KIAA0825: variants seen among roughly 807,000 people sequenced by gnomAD.
KIAA0825 encodes uncharacterized protein KIAA0825.
Under a neutral mutation model 147.6 loss-of-function variants are expected in KIAA0825, and 119 were observed. That is an observed-to-expected ratio of 0.81 (90% CI 0.69 to 0.94). The LOEUF (loss-of-function observed/expected upper bound fraction) is 0.94, where lower values mean the gene tolerates loss of function less well. Ranked by LOEUF, KIAA0825 falls within the 40% of genes least tolerant of loss-of-function variation. The pLI, the probability that KIAA0825 is intolerant of heterozygous loss-of-function variation, is 0.00. For missense variants in KIAA0825, 1,381 were observed against 1,472.7 expected, an observed-to-expected ratio of 0.94 and a Z score of 1.02; for synonymous variants, 470 against 518.1, an observed-to-expected ratio of 0.91 and a Z score of 1.26.
chr5:94,578,741 C>T (rs915205258), intron 2 of KIAA0825, among the ~76,000 whole-genome samples: 3 of 152,146 alleles, frequency 2.0e-5, no homozygotes, highest in African/African-American at 4.8e-5. Flanking sequence ...GGTTTACAGG[C>T]TGTGCTTCTC....
At chr5:94,343,680 C>T (rs1301663897) in intron 20 of KIAA0825, among the ~76,000 whole-genome samples, 1 of 152,136 alleles carries the variant, frequency 6.6e-6, no homozygotes, top group Non-Finnish European at 1.5e-5. Flanking sequence ...CAGAGCAAGA[C>T]TGCATCTCCA....
intron 20 of KIAA0825, among the ~76,000 whole-genome samples, chr5:94,298,204 C>T (rs950069606): frequency 5.9e-5 from 9 of 151,790 alleles, no homozygotes; most frequent in East Asian, 3.9e-4. Context: ...GCCGAGATTG[C>T]GCCACTGCAC....
intron 2 of KIAA0825, among the ~76,000 whole-genome samples, chr5:94,554,715 ACTATATATATATATATATATATATATAT>A (rs1384135082): frequency 6.6e-5 from 5 of 75,362 alleles, no homozygotes; most frequent in Non-Finnish European, 1.0e-4. Context: ...TGTTCTGTGT[ACTATATATATATATATATATATATATAT>A]ATATATATAT....
chr5:94,200,972 T>C (rs1253534769), intron 20 of KIAA0825, among the ~76,000 whole-genome samples: 4 of 144,814 alleles, frequency 2.8e-5, no homozygotes, highest in Admixed American at 2.8e-4. Flanking sequence ...TATATATATA[T>C]ATATATATAT....
chr5:94,373,178 GT>G (rs1206211050), intron 20 of KIAA0825, among the ~76,000 whole-genome samples: 4 of 152,192 alleles, frequency 2.6e-5, no homozygotes, highest in Non-Finnish European at 5.9e-5. Flanking sequence ...TCTCTAGGAA[GT>G]TCCAAACTCT....
intron 14 of KIAA0825, among the ~76,000 whole-genome samples, chr5:94,423,495 CTG>C (rs1377315546): frequency 1.3e-5 from 2 of 152,180 alleles, no homozygotes; most frequent in Non-Finnish European, 2.9e-5. Context: ...CACCAGGAGA[CTG>C]TATTTATTGG....
chr5:94,346,867 C>A (rs1405128310), intron 20 of KIAA0825, among the ~76,000 whole-genome samples: 1 of 152,102 alleles, frequency 6.6e-6, no homozygotes, highest in Non-Finnish European at 1.5e-5. Flanking sequence ...AGGTGGGGGA[C>A]GAACCAAGCC....
intron 18 of KIAA0825, among the ~76,000 whole-genome samples, chr5:94,391,109 T>G (rs1203857255): frequency 1.3e-5 from 2 of 152,236 alleles, no homozygotes; most frequent in Non-Finnish European, 2.9e-5. Context: ...AATACTCTTC[T>G]TTAAGTTTTT....
At chr5:94,359,262 T>TA (rs1264173375) in intron 20 of KIAA0825, among the ~76,000 whole-genome samples, 3 of 152,220 alleles carry the variant, frequency 2.0e-5, no homozygotes, top group Non-Finnish European at 4.4e-5. Flanking sequence ...CTGGGCATTT[T>TA]AAAAAATCTC....
chr5:94,559,471 A>G (rs1777165258), intron 2 of KIAA0825, among the ~76,000 whole-genome samples: 1 of 152,318 alleles, frequency 6.6e-6, no homozygotes, highest in East Asian at 1.9e-4. Context: ...GGAAATGAAA[A>G]CAAACTAACT....
chr5:94,359,140 A>G (rs1010766000), intron 20 of KIAA0825, among the ~76,000 whole-genome samples: 20 of 152,234 alleles, frequency 1.3e-4, no homozygotes, highest in African/African-American at 4.8e-4. Flanking sequence ...AAATTGTGAT[A>G]TAAATGATTT....
At chr5:94,472,722 C>A (rs1584602306) in intron 8 of KIAA0825, among the ~76,000 whole-genome samples, 1 of 151,850 alleles carries the variant, frequency 6.6e-6, no homozygotes, top group Non-Finnish European at 1.5e-5. Flanking sequence ...CCAGCCTGGG[C>A]GACAGAGTGA....
At chr5:94,212,798 T>G (rs1461135202) in intron 20 of KIAA0825, among the ~76,000 whole-genome samples, 2 of 152,136 alleles carry the variant, frequency 1.3e-5, no homozygotes, top group Admixed American at 6.6e-5. Flanking sequence ...CAAATCTGCT[T>G]TCTACCCTGA....
At chr5:94,358,695 G>T (rs144967779) in intron 20 of KIAA0825, among the ~76,000 whole-genome samples, 226 of 152,210 alleles carry the variant, frequency 1.5e-3, no homozygotes, top group African/African-American at 5.3e-3. Flanking sequence ...TCCATTTTCT[G>T]ATCCATGAAA....
At chr5:94,397,471 A>G (rs1750817287) in intron 16 of KIAA0825, among the ~76,000 whole-genome samples, 1 of 152,230 alleles carries the variant, frequency 6.6e-6, no homozygotes, top group Non-Finnish European at 1.5e-5. Flanking sequence ...TAGTTTTTAC[A>G]AACTTATAAA....
chr5:94,376,005 C>G (rs1417519453), intron 20 of KIAA0825, among the ~76,000 whole-genome samples: 1 of 152,102 alleles, frequency 6.6e-6, no homozygotes, highest in Non-Finnish European at 1.5e-5. Context: ...AACATGGCCT[C>G]GAGCCAAAAT....
At chr5:94,177,782 A>C (rs1057240866) in intron 20 of KIAA0825, among the ~76,000 whole-genome samples, 1 of 152,150 alleles carries the variant, frequency 6.6e-6, no homozygotes, top group African/African-American at 2.4e-5. Context: ...TGTAGAACAG[A>C]TAACTGAATA....
At chr5:94,445,994 G>A (rs752725142) in intron 13 of KIAA0825, among the ~76,000 whole-genome samples, 3 of 152,120 alleles carry the variant, frequency 2.0e-5, no homozygotes, top group Non-Finnish European at 4.4e-5. Context: ...CAGTTTTTCA[G>A]CAGCAGTTGG....
intron 20 of KIAA0825, among the ~76,000 whole-genome samples, chr5:94,198,347 C>A (rs554268066): frequency 1.3e-5 from 2 of 151,890 alleles, no homozygotes; most frequent in Admixed American, 1.3e-4. Context: ...GTTCTAAGAG[C>A]CTTTGGGCAG....
Sources: gnomAD v4.1 joint callset for allele counts (sites outside exome capture counted in the v4.1 genomes callset) on GRCh38, gnomAD v4.1.1 for gene constraint, MANE v1.5 for transcripts, NCBI Gene and HGNC (gene_info 2026-07-23, HGNC 2026-07-21) for gene names.